The following MAGI2 variants were observed in gnomAD, a reference collection of about 807,000 sequenced individuals.
MAGI2 encodes membrane associated guanylate kinase, WW and PDZ domain containing 2.
MAGI2 carries 35 observed loss-of-function variants against 133.3 expected under a neutral mutation model. The ratio of observed to expected loss-of-function variants is 0.26; its 90% CI spans 0.20 to 0.35. The LOEUF is 0.35. Among genes scored for constraint, MAGI2 ranks in the 10% least tolerant of loss-of-function variants. The probability of loss-of-function intolerance (pLI) is 1.00; values close to 1 mark genes in which losing one functional copy is unlikely to be tolerated. For missense variants in MAGI2, 1,636 were observed against 1,863.4 expected (o/e 0.88, Z 2.25); for synonymous variants, 729 against 710.6 (o/e 1.03, Z -0.41).
chr7:78,553,741 T>C (rs1458832957), intron 3 of MAGI2, among the ~76,000 whole-genome samples: 2 of 152,238 alleles, frequency 1.3e-5, no homozygotes, highest in African/African-American at 4.8e-5. Flanking sequence ...AGAAATCATA[T>C]TGCCCCAAAT....
chr7:78,210,997 C>A (rs1329784142), intron 10 of MAGI2, among the ~76,000 whole-genome samples: 1 of 152,100 alleles, frequency 6.6e-6, no homozygotes, highest in Non-Finnish European at 1.5e-5. Context: ...GGGAATAAAG[C>A]CCTCCATAAA....
intron 10 of MAGI2, among the ~76,000 whole-genome samples, chr7:78,223,852 A>T (rs1789082701): frequency 6.6e-6 from 1 of 152,090 alleles, no homozygotes; most frequent in Non-Finnish European, 1.5e-5. Context: ...AAATATCACT[A>T]TTATATTCAT....
intron 1 of MAGI2, among the ~76,000 whole-genome samples, chr7:79,271,034 A>G (rs1031202981): frequency 3.9e-5 from 6 of 152,008 alleles, no homozygotes; most frequent in African/African-American, 1.2e-4. Flanking sequence ...ACAGATCCCA[A>G]CATCCAACTT....
chr7:78,755,735 A>G (rs1212607169), intron 2 of MAGI2, among the ~76,000 whole-genome samples: 1 of 152,184 alleles, frequency 6.6e-6, no homozygotes, highest in African/African-American at 2.4e-5. Context: ...TGCCAAAGGC[A>G]TATAGTTTGA....
At chr7:78,038,154 G>C (rs979802709) in intron 21 of MAGI2, among the ~76,000 whole-genome samples, 2 of 152,136 alleles carry the variant, frequency 1.3e-5, no homozygotes, top group Non-Finnish European at 2.9e-5. Flanking sequence ...CTGTTAGAAA[G>C]GGACTGGGAT....
At chr7:78,208,416 A>G (rs13310203) in intron 10 of MAGI2, among the ~76,000 whole-genome samples, 53,286 of 151,966 alleles carry the variant, frequency 0.35, 9,496 homozygotes, top group Admixed American at 0.38. Flanking sequence ...GGCAAGGTGA[A>G]AAGCCTTAAA....
chr7:78,375,492 G>T (rs1794357396), intron 6 of MAGI2, among the ~76,000 whole-genome samples: 2 of 152,120 alleles, frequency 1.3e-5, no homozygotes, highest in South Asian at 2.1e-4. Context: ...ATCATGCAAT[G>T]TACTAAGATA....
intron 4 of MAGI2, among the ~76,000 whole-genome samples, chr7:78,521,022 C>T (rs1040560982): frequency 5.3e-5 from 8 of 151,946 alleles, no homozygotes; most frequent in South Asian, 2.1e-4. Context: ...AGCAAGATTT[C>T]GAAGAATAGA....
chr7:78,269,316 G>T (rs1794332320), intron 9 of MAGI2, among the ~76,000 whole-genome samples: 1 of 152,152 alleles, frequency 6.6e-6, no homozygotes, highest in African/African-American at 2.4e-5. Flanking sequence ...TGGGATTGTT[G>T]AGTCAAATGG....
intron 6 of MAGI2, among the ~76,000 whole-genome samples, chr7:78,412,355 A>C (rs1403352307): frequency 6.6e-6 from 1 of 151,992 alleles, no homozygotes; most frequent in Non-Finnish European, 1.5e-5. Flanking sequence ...ATCTCTAATG[A>C]AGTTGGCATA....
chr7:79,040,341 T>G (rs1811541243), intron 1 of MAGI2, among the ~76,000 whole-genome samples: 1 of 152,010 alleles, frequency 6.6e-6, no homozygotes, highest in African/African-American at 2.4e-5. Context: ...CTTTCTTTCA[T>G]AATTGTATAA....
chr7:78,167,266 A>G (rs1009970632), intron 15 of MAGI2, among the ~76,000 whole-genome samples: 5 of 152,222 alleles, frequency 3.3e-5, no homozygotes, highest in Non-Finnish European at 7.3e-5. Flanking sequence ...TAGGGTTGAT[A>G]TGGTAAAGAG....
At chr7:79,298,754 G>C (rs903919479) in intron 1 of MAGI2, among the ~76,000 whole-genome samples, 1 of 152,048 alleles carries the variant, frequency 6.6e-6, no homozygotes, top group Non-Finnish European at 1.5e-5. Flanking sequence ...AATCAAGTTA[G>C]AGTGAGGTAG....
chr7:78,388,886 TAAC>T (rs1291605093), intron 6 of MAGI2, among the ~76,000 whole-genome samples: 2 of 152,158 alleles, frequency 1.3e-5, no homozygotes, highest in Non-Finnish European at 2.9e-5. Context: ...GTCCGTGAAA[TAAC>T]AACTATAATT....
chr7:78,864,486 G>C (rs549638633), intron 2 of MAGI2, among the ~76,000 whole-genome samples: 1 of 152,274 alleles, frequency 6.6e-6, no homozygotes, highest in African/African-American at 2.4e-5. Flanking sequence ...CTGGTGAATG[G>C]GTTAAATTGC....
At chr7:79,308,323 C>G (rs912574055) in intron 1 of MAGI2, among the ~76,000 whole-genome samples, 2 of 152,148 alleles carry the variant, frequency 1.3e-5, no homozygotes, top group East Asian at 3.9e-4. Flanking sequence ...CACCAACATG[C>G]GTTCTCAGTA....
chr7:78,486,012 G>A (rs1792960261), intron 6 of MAGI2: 1 of 152,078 alleles, frequency 6.6e-6, no homozygotes, highest in Non-Finnish European at 1.5e-5. Flanking sequence ...ATTCTCAAAA[G>A]GGAACCCTGG....
At chr7:78,716,410 T>A (rs1198401064) in intron 2 of MAGI2, among the ~76,000 whole-genome samples, 1 of 152,054 alleles carries the variant, frequency 6.6e-6, no homozygotes, top group Non-Finnish European at 1.5e-5. Context: ...GATGAGAACA[T>A]GTGTTAGTAG....
intron 7 of MAGI2, chr7:78,351,929 GCTCACA>G (rs1791560310): frequency 6.6e-6 from 1 of 152,122 alleles, no homozygotes; most frequent in African/African-American, 2.4e-5. Flanking sequence ...TAGTCATGAT[GCTCACA>G]TCCAAGCCCC....
Sources: gnomAD v4.1 joint callset for allele counts (sites outside exome capture counted in the v4.1 genomes callset) on GRCh38, gnomAD v4.1.1 for gene constraint, MANE v1.5 for transcripts, NCBI Gene and HGNC (gene_info 2026-07-23, HGNC 2026-07-21) for gene names.